HPSE2: variants seen among roughly 807,000 people sequenced by gnomAD.
HPSE2 encodes the protein inactive heparanase-2.
Under a neutral mutation model 60.5 loss-of-function variants are expected in HPSE2, and 38 were observed. The ratio of observed to expected loss-of-function variants is 0.63; its 90% CI spans 0.48 to 0.82. HPSE2 has a LOEUF of 0.82. HPSE2 is among the 40% of genes least tolerant of loss of function. HPSE2 has a pLI of 0.00. For synonymous variants in HPSE2, 295 were observed against 293.2 expected, an observed-to-expected ratio of 1.01 and a Z score of -0.06; for missense variants, 713 against 740.4, an observed-to-expected ratio of 0.96 and a Z score of 0.43.
the HPSE2 span, among the ~76,000 whole-genome samples, chr10:99,270,375 A>G: frequency 6.6e-6 from 1 of 152,200 alleles, no homozygotes; most frequent in Admixed American, 6.5e-5. Flanking sequence ...ACGTGCATAA[A>G]CTAGAAAACC....
chr10:98,810,899 T>C (rs1951155886), intron 3 of HPSE2, among the ~76,000 whole-genome samples: 1 of 152,162 alleles, frequency 6.6e-6, no homozygotes, highest in South Asian at 2.1e-4. Context: ...CAAGTTTTTT[T>C]AGATCCTCAA....
intron 3 of HPSE2, among the ~76,000 whole-genome samples, chr10:99,018,882 T>C (rs1282352324): frequency 6.6e-6 from 1 of 152,198 alleles, no homozygotes; most frequent in African/African-American, 2.4e-5. Flanking sequence ...CATTTTTAAC[T>C]AAAACAGTTT....
chr10:98,487,094 C>CT (rs1448432131), intron 10 of HPSE2, among the ~76,000 whole-genome samples: 3 of 152,164 alleles, frequency 2.0e-5, no homozygotes, highest in Non-Finnish European at 4.4e-5. Context: ...CTGAACTTGG[C>CT]TAAGGACCTC....
chr10:98,724,305 T>C (rs1049809748), intron 4 of HPSE2, among the ~76,000 whole-genome samples: 71 of 152,188 alleles, frequency 4.7e-4, no homozygotes, highest in Non-Finnish European at 9.6e-4. Context: ...TGAGTTCTAG[T>C]TTGATTGCAC....
At chr10:98,892,741 C>G (rs1953371710) in intron 3 of HPSE2, among the ~76,000 whole-genome samples, 1 of 152,152 alleles carries the variant, frequency 6.6e-6, no homozygotes, top group Non-Finnish European at 1.5e-5. Context: ...CTCTCACTTC[C>G]CCTGAATGAT....
chr10:99,244,323 G>A, the HPSE2 span, among the ~76,000 whole-genome samples: 395 of 150,624 alleles, frequency 2.6e-3, 1 homozygote, highest in Non-Finnish European at 4.1e-3. Context: ...GGCCTACAAC[G>A]GTATTTTCTT....
intron 3 of HPSE2, among the ~76,000 whole-genome samples, chr10:98,915,089 C>T (rs1400515188): frequency 6.7e-6 from 1 of 149,788 alleles, no homozygotes; most frequent in Non-Finnish European, 1.5e-5. Flanking sequence ...CTTCTATATA[C>T]TTATATAACC....
chr10:99,095,333 T>C (rs1843684382), intron 3 of HPSE2, among the ~76,000 whole-genome samples: 1 of 152,224 alleles, frequency 6.6e-6, no homozygotes, highest in African/African-American at 2.4e-5. Context: ...AGTTTAACAT[T>C]CACTTTCACT....
intron 9 of HPSE2, among the ~76,000 whole-genome samples, chr10:98,612,819 A>G (rs966035646): frequency 6.6e-6 from 1 of 152,122 alleles, no homozygotes; most frequent in African/African-American, 2.4e-5. Flanking sequence ...TTACTTCCCT[A>G]ATTAGGCCTT....
intron 3 of HPSE2, among the ~76,000 whole-genome samples, chr10:98,759,923 T>C (rs570805455): frequency 1.1e-4 from 17 of 152,246 alleles, no homozygotes; most frequent in African/African-American, 3.6e-4. Flanking sequence ...TTCATAAACA[T>C]GGGTATCTTC....
intron 4 of HPSE2, among the ~76,000 whole-genome samples, chr10:98,736,717 G>T (rs1375714728): frequency 1.3e-5 from 2 of 152,162 alleles, no homozygotes; most frequent in African/African-American, 4.8e-5. Flanking sequence ...TAGTTTAATA[G>T]TTTTAAGTTT....
In HPSE2 at chr10:98,827,333, GTAGCTGGGA is replaced by G. The variant is rs551658144; in HGVS notation, c.611-83286_611-83278del. On this transcript the variant is annotated intron_variant, in intron 3 of 11. Transcript: ENST00000370552. ...CCATTCTTCTGCCTCAGCCTCCCGAGTAGCTGGGACTACAGGCATGCACCACCACGCCCG... is the reference window on the plus strand; with the variant it reads ...CCATTCTTCTGCCTCAGCCTCCCGAGCTACAGGCATGCACCACCACGCCCG... 2.5e-3 allele frequency among the ~76,000 whole-genome samples: 375 copies of G among 152,092 alleles called. 5 individuals are homozygous for G. Among genetic ancestry groups the G allele is most frequent in the Non-Finnish European group, 1.2e-3 (79 of 67,994 alleles).
At chr10:99,133,797 A>T in intron 3 of HPSE2, among the ~76,000 whole-genome samples, 1 of 152,186 alleles carries the variant, frequency 6.6e-6, no homozygotes, top group East Asian at 1.9e-4. Flanking sequence ...AAATTCCAAA[A>T]ACCAGAATGC....
At chr10:99,109,655 A>C (rs1424928960) in intron 3 of HPSE2, among the ~76,000 whole-genome samples, 2 of 152,126 alleles carry the variant, frequency 1.3e-5, no homozygotes, top group African/African-American at 2.4e-5. Flanking sequence ...AACACTCCAG[A>C]ATGCGCTTTG....
At chr10:99,093,054 C>T (rs995064824) in intron 3 of HPSE2, among the ~76,000 whole-genome samples, 24 of 151,988 alleles carry the variant, frequency 1.6e-4, no homozygotes, top group African/African-American at 5.8e-4. Context: ...ATAGTGAAAC[C>T]GCATCTCTAC....
At chr10:98,635,703 G>T (rs1465210768) in intron 7 of HPSE2, among the ~76,000 whole-genome samples, 1 of 150,626 alleles carries the variant, frequency 6.6e-6, no homozygotes, top group Non-Finnish European at 1.5e-5. Flanking sequence ...GAGCGCTTGA[G>T]CCCAGGAATT....
At chr10:99,060,536 T>A (rs1958214207) in intron 3 of HPSE2, among the ~76,000 whole-genome samples, 1 of 151,508 alleles carries the variant, frequency 6.6e-6, no homozygotes, top group Non-Finnish European at 1.5e-5. Context: ...TGCATGCCTA[T>A]AATCCCAGCT....
chr10:98,758,411 G>A (rs1476199027), intron 3 of HPSE2, among the ~76,000 whole-genome samples: 1 of 151,958 alleles, frequency 6.6e-6, no homozygotes, highest in East Asian at 1.9e-4. Context: ...CAGAATGGGA[G>A]AGAATATTTG....
intron 2 of HPSE2, among the ~76,000 whole-genome samples, chr10:99,149,528 C>T (rs1191767260): frequency 6.6e-6 from 1 of 152,004 alleles, no homozygotes; most frequent in Admixed American, 6.6e-5. Flanking sequence ...AGGGAATTTC[C>T]TTTTTTAGAA....
Sources: allele counts gnomAD v4.1 joint callset (sites outside exome capture counted in the v4.1 genomes callset), GRCh38; gene constraint gnomAD v4.1.1; transcripts MANE v1.5; gene names NCBI Gene and HGNC (gene_info 2026-07-23, HGNC 2026-07-21).